The following TRPT1 variants were observed in gnomAD, a reference collection of about 807,000 sequenced individuals.
TRPT1 encodes tRNA 2'-phosphotransferase 1.
Under a neutral mutation model 28.4 loss-of-function variants are expected in TRPT1, and 22 were observed. The observed-to-expected ratio is 0.78, with a 90% confidence interval of 0.55 to 1.11. The LOEUF (loss-of-function observed/expected upper bound fraction) is 1.11. TRPT1 is among the 50% of genes least tolerant of loss of function. The pLI, the probability that TRPT1 is intolerant of heterozygous loss-of-function variation, is 0.00. For missense variants in TRPT1, 308 were observed against 317.7 expected, an observed-to-expected ratio of 0.97 and a Z score of 0.23; for synonymous variants, 137 against 132.4, an observed-to-expected ratio of 1.03 and a Z score of -0.24.
intron 5 of TRPT1, 77 bp from the exon 6 acceptor site, chr11:64,224,418 G>T (rs1218193512): frequency 5.0e-6 from 8 of 1,602,040 alleles, no homozygotes; most frequent in Non-Finnish European, 6.8e-6. Flanking sequence ...GTCCTGGGCT[G>T]GGGGATGCAG....
rs1059430 is a variant in TRPT1, at chr11:64,223,836, C to G, written c.*40G>C. 1.5e-6 allele frequency: 2 copies of G among 1,375,338 alleles called. No homozygotes were observed. Among genetic ancestry groups the G allele is most frequent in the Admixed American group, 2.2e-5 (1 of 45,226 alleles). The allele number at this position is 1,375,338 out of a possible 1,614,324, so 85.2% of individuals were successfully genotyped here. ...AAACATGGTTTCAAACGAGTTCTTT[C>G]TTGTTACTTTTTAAAATTTCTTTTT... On this transcript the variant is annotated 3_prime_UTR_variant, in exon 8 of 8. Coordinates refer to ENST00000317459, the MANE Select transcript of TRPT1 (RefSeq NM_001033678.4).
rs760502324 is a variant in TRPT1, at chr11:64,224,135, T to G, written c.635A>C (p.Lys212Thr). The change falls in exon 7 of 8, where the codon AAG (lysine) becomes ACG (threonine). Residue 212 changes from lysine (K) to threonine (T), a missense_variant. Transcript: ENST00000317459. ...TAGCTGCAGGGCCTCCTTGAAGTAC[T>G]TGGGAAGGAGGAAGCCATCAGTATT... is the stretch of plus-strand genomic sequence containing the variant. Reference protein sequence around the residue: ...PGNTDGFLLPKYFKEALQLRP... With the variant: ...PGNTDGFLLPTYFKEALQLRP... 1 of 1,607,582 alleles carries G rather than the reference T, an allele frequency of 6.2e-7. No homozygotes were observed. The highest frequency in any genetic ancestry group is 2.2e-5 in the East Asian group (1 of 44,748).
chr11:64,226,151 C>A lies in TRPT1; in HGVS notation c.-111G>T. ...GGTCCGGGAGGCAGGGCCGACGTGC[C>A]GACGGACCGGGCGGAAGCGTCGGGG... On this transcript the variant is annotated 5_prime_UTR_variant, in exon 1 of 8. Coordinates refer to ENST00000317459, the MANE Select transcript of TRPT1 (RefSeq NM_001033678.4). 1 of 433,452 alleles carries A rather than the reference C, an allele frequency of 2.3e-6. No homozygotes were observed. Among genetic ancestry groups the A allele is most frequent in the Non-Finnish European group, 4.1e-6 (1 of 245,722 alleles). The allele number at this position is 433,452 out of a possible 1,614,324, so 26.9% of individuals were successfully genotyped here. A position where few individuals can be genotyped will look rare whatever the true frequency, so the allele number is the denominator to read the frequency against.
At position 64,226,147 on chromosome 11, in the gene TRPT1, G is replaced by A. The variant is rs1011941758; in HGVS notation, c.-107C>T. 10 of 445,534 alleles carry A rather than the reference G, an allele frequency of 2.2e-5. No individual in the cohort carries two copies. The highest frequency in any genetic ancestry group is 4.2e-5 in the Admixed American group (1 of 23,876). The allele number at this position is 445,534 out of a possible 1,614,324, so 27.6% of individuals were successfully genotyped here. ...GGGTGGTCCGGGAGGCAGGGCCGAC[G>A]TGCCGACGGACCGGGCGGAAGCGTC... is the stretch of plus-strand genomic sequence containing the variant. On this transcript the variant is annotated 5_prime_UTR_variant, in exon 1 of 8. In the 5' UTR this introduces an upstream ATG that the reference lacks. Transcript: ENST00000317459.
intron 3 of TRPT1, 77 bp from the exon 4 acceptor site, chr11:64,225,047 G>C (rs566640098): frequency 1.7e-5 from 25 of 1,468,586 alleles, no homozygotes; most frequent in Non-Finnish European, 2.2e-5. Flanking sequence ...ACAGGCAACC[G>C]AAACAAAGTC....
At chr11:64,224,490 A>T in intron 5 of TRPT1, 53 bp downstream of exon 5, 1 of 1,571,618 alleles carries the variant, frequency 6.4e-7, no homozygotes, top group South Asian at 1.2e-5. Context: ...TTTGAAGGGG[A>T]CCTGGGAGGA....
rs149966306 is a variant in TRPT1, at chr11:64,225,391, C to G, written c.157+108G>C. 6.2e-4 allele frequency: 552 copies of G among 895,012 alleles called. 1 individual carries two copies. The African/African-American group carries it at 8.2e-3, about 13-fold the overall frequency. 55.4% of individuals were successfully genotyped at this position (895,012 alleles called of 1,614,324 possible). A position where few individuals can be genotyped will look rare whatever the true frequency, so the allele number is the denominator to read the frequency against. ...CCTCTGTGCATGGGGAGGAAGTGCA[C>G]TCTGTGCCTTCCTCAGGGAGCGGTG... On this transcript the variant is annotated intron_variant, in intron 3 of 7. Transcript: ENST00000317459.
chr11:64,226,207 C>CGCGGCAGGGCGG (rs1555052262), upstream of TRPT1: 6 of 355,512 alleles, frequency 1.7e-5, no homozygotes, highest in African/African-American at 4.2e-5. Flanking sequence ...GATCCTCGAC[C>CGCGGCAGGGCGG]GCGGCGGACC....
At chr11:64,225,762 AG>A in intron 2 of TRPT1, 23 bp downstream of exon 2, 1 of 1,524,388 alleles carries the variant, frequency 6.6e-7, no homozygotes, top group Non-Finnish European at 8.9e-7. Context: ...GACTGGTGGG[AG>A]GGGGTGGGGA....
Position 64,225,771 on chromosome 11 carries a change from G to A in TRPT1, c.75+15C>T. On this transcript the variant is annotated intron_variant, in intron 2 of 7. Transcript: ENST00000317459. ...AGCCTGGACTGGTGGGAGGGGGTGG[G>A]GAGGAGGCGCGCACCTGTTCTCGGG... The A allele has an allele frequency of 3.2e-6, 5 of 1,542,368 alleles. No individual in the cohort carries two copies. The highest frequency in any genetic ancestry group is 4.4e-6 in the Non-Finnish European group (5 of 1,140,854).
rs777986459 is a variant in TRPT1, at chr11:64,224,080, G to A, written c.670+20C>T. The A allele has an allele frequency of 1.9e-6, 3 of 1,601,506 alleles. No individual in the cohort carries two copies. In the South Asian group the frequency reaches 3.3e-5, roughly 18 times the overall value. ...CAGCTTTCAGGAACAAGGAATAGGGGCTGGGGTGGTGGTTCTCACGGGTAG... is the reference window on the plus strand; with the variant it reads ...CAGCTTTCAGGAACAAGGAATAGGGACTGGGGTGGTGGTTCTCACGGGTAG... On this transcript the variant is annotated intron_variant, in intron 7 of 7. Coordinates refer to ENST00000317459, the MANE Select transcript of TRPT1 (RefSeq NM_001033678.4).
In TRPT1 at chr11:64,224,929, A is replaced by G; in HGVS notation, c.199T>C (p.Phe67Leu). ...PLGTLLQLPQ[F>L]RGFSAEDVQR... ...ACATCTTCAGCAGAGAAGCCGCGGA[A>G]CTGGGGCAACTGCAGGAGGGTGCCC... Residue 67 changes from phenylalanine to leucine, a missense_variant, in exon 4 of 8, where the codon TTC (phenylalanine) becomes CTC (leucine). Physicochemically the swap from Phe to Leu is conservative, Grantham distance 22 (BLOSUM62 0). Coordinates refer to ENST00000317459, the MANE Select transcript of TRPT1 (RefSeq NM_001033678.4). The G allele has an allele frequency of 6.3e-7, 1 of 1,577,308 alleles. No homozygotes were observed. The highest frequency in any genetic ancestry group is 1.8e-5 in the Admixed American group (1 of 54,400).
Position 64,223,829 on chromosome 11 carries a change from GTTCT to G in TRPT1, c.*43_*46del, listed in dbSNP as rs1946785664. ...GATGATGAAACATGGTTTCAAACGA[GTTCT>G]TTCTTGTTACTTTTTAAAATTTCTT... On this transcript the variant is annotated 3_prime_UTR_variant, in exon 8 of 8. Transcript: ENST00000317459. 2 of 1,315,292 alleles carry G rather than the reference GTTCT, an allele frequency of 1.5e-6. No homozygotes were observed. Among genetic ancestry groups the G allele is most frequent in the African/African-American group, 1.5e-5 (1 of 66,892 alleles). 81.5% of individuals were successfully genotyped at this position (1,315,292 alleles called of 1,614,324 possible).
chr11:64,224,431 G>T lies in TRPT1; in HGVS notation c.503-90C>A, dbSNP rs1029438279. The T allele has an allele frequency of 5.6e-6, 9 of 1,599,492 alleles. No individual in the cohort carries two copies. In the African/African-American group the frequency reaches 6.7e-5, roughly 12 times the overall value. On this transcript the variant is annotated intron_variant, in intron 5 of 7. Coordinates refer to ENST00000317459, the MANE Select transcript of TRPT1 (RefSeq NM_001033678.4). ...GGGTCCTGGGCTGGGGGATGCAGGG[G>T]TGCTGCTCCATGCCGGACATGGGGT...
In TRPT1 at chr11:64,224,588, T is replaced by A; in HGVS notation, c.457A>T (p.Ile153Phe). ...CCAGGCAGTCCTGGGGCCAGGTGAA[T>A]GTGCGTCCTTCCCTGGCAGGACAGG... is the stretch of plus-strand genomic sequence containing the variant. Reference protein sequence around the residue: ...KGLSCQGRTHIHLAPGLPGDP... With the variant: ...KGLSCQGRTHFHLAPGLPGDP... The change falls in exon 5 of 8, where the codon ATT becomes TTT. Residue 153 changes from isoleucine (I) to phenylalanine (F), a missense_variant. Physicochemically the swap from Ile to Phe is conservative, Grantham distance 21. Transcript: ENST00000317459. 1 of 1,591,650 alleles carries A rather than the reference T, an allele frequency of 6.3e-7. No individual in the cohort carries two copies. Among genetic ancestry groups the A allele is most frequent in the South Asian group, 1.1e-5 (1 of 87,092 alleles).
Position 64,224,288 on chromosome 11 carries a change from C to T in TRPT1, c.556G>A (p.Ala186Thr). 1.2e-6 allele frequency: 2 copies of T among 1,613,872 alleles called. No individual in the cohort carries two copies. The highest frequency in any genetic ancestry group is 1.7e-6 in the Non-Finnish European group (2 of 1,180,026). ...AVFIDGPLAL[A>T]DGIPFFRSAN... ...CTCCTGCTTTGTCCAGACTCACCTG[C>T]CAGAGCCAGGGGTCCATCGATGAAC... The change falls in exon 6 of 8, where the codon GCA becomes ACA. Residue 186 changes from alanine (A) to threonine (T), a missense_variant. By Grantham distance (58) the Ala-to-Thr change is moderately conservative. Coordinates refer to ENST00000317459, the MANE Select transcript of TRPT1 (RefSeq NM_001033678.4).
rs1946971717 is a variant in TRPT1, at chr11:64,225,776, A to G, written c.75+10T>C. The G allele has an allele frequency of 1.3e-6, 2 of 1,543,894 alleles. No individual in the cohort carries two copies. The highest frequency in any genetic ancestry group is 1.7e-4 in the Middle Eastern group (1 of 5,982). ...GGACTGGTGGGAGGGGGTGGGGAGGAGGCGCGCACCTGTTCTCGGGGTCTG... is the reference window on the plus strand; with the variant it reads ...GGACTGGTGGGAGGGGGTGGGGAGGGGGCGCGCACCTGTTCTCGGGGTCTG... On this transcript the variant is annotated intron_variant, in intron 2 of 7. Transcript: ENST00000317459.
chr11:64,224,653 C>G lies in TRPT1; in HGVS notation c.392G>C (p.Gly131Ala). The stretch of plus-strand genomic sequence containing the variant: ...GGATGGCCAGTGCTTCCAGAATGTA[C>G]CATGGACTAGCATCGGGGGCAGGGC... ...PQALPPMLVH[G>A]TFWKHWPSIL... is the part of the protein sequence containing the mutation. Residue 131 changes from glycine (G) to alanine (A), a missense_variant, in exon 5 of 8, where the codon GGT (glycine) becomes GCT (alanine). Physicochemically the swap from Gly to Ala is moderately conservative, Grantham distance 60. Transcript: ENST00000317459. 1 of 1,607,988 alleles carries G rather than the reference C, an allele frequency of 6.2e-7. No individual in the cohort carries two copies. The highest frequency in any genetic ancestry group is 8.5e-7 in the Non-Finnish European group (1 of 1,176,442).
Position 64,225,797 on chromosome 11 carries a change from G to A in TRPT1, c.64C>T (p.Pro22Ser), listed in dbSNP as rs1468042112. Residue 22 changes from proline to serine, a missense_variant, in exon 2 of 8, where the codon CCC (proline) becomes TCC (serine). Pro to Ser is a moderately conservative substitution (Grantham distance 74, BLOSUM62 -1). Transcript: ENST00000317459. ...GAGGAGGCGCGCACCTGTTCTCGGG[G>A]TCTGGGAGCCCTTCTACCCCTGGAC... Reference protein sequence around the residue: ...AGSRGRRAPRPREQDRDVQLS... With the variant: ...AGSRGRRAPRSREQDRDVQLS... 6.4e-7 allele frequency: 1 copy of A among 1,552,622 alleles called. No homozygotes were observed. The highest frequency in any genetic ancestry group is 8.7e-7 in the Non-Finnish European group (1 of 1,147,730).
Sources: gnomAD v4.1 joint callset for allele counts on GRCh38, gnomAD v4.1.1 for gene constraint, MANE v1.5 for transcripts, NCBI Gene and HGNC (gene_info 2026-07-23, HGNC 2026-07-21) for gene names.